Variants in DNAH3 observed in about 807,000 individuals in gnomAD.
DNAH3 encodes dynein axonemal heavy chain 3.
In DNAH3, 332 loss-of-function variants were observed where a neutral mutation model predicts 432.5. That is an observed-to-expected ratio of 0.77 (90% CI 0.70 to 0.84). DNAH3 has a LOEUF of 0.84. Among genes scored for constraint, DNAH3 ranks in the 40% least tolerant of loss-of-function variants. The probability of loss-of-function intolerance (pLI) is 0.00; values close to 1 mark genes in which losing one functional copy is unlikely to be tolerated. For missense variants in DNAH3, 4,861 were observed against 5,114.0 expected, an observed-to-expected ratio of 0.95 and a Z score of 1.51; for synonymous variants, 1,956 against 1,900.2, an observed-to-expected ratio of 1.03 and a Z score of -0.76.
intron 61 of DNAH3, 143 bp downstream of exon 61, chr16:20,935,204 GT>G: frequency 1.1e-6 from 1 of 941,258 alleles, no homozygotes; most frequent in South Asian, 1.7e-5. Context: ...TAGAGCTACT[GT>G]AAATTATGCT....
chr16:21,105,687 C>T (rs775161542), intron 15 of DNAH3, among the ~76,000 whole-genome samples: 1 of 150,068 alleles, frequency 6.7e-6, no homozygotes, highest in African/African-American at 2.5e-5. Context: ...AATTGATGGA[C>T]CCTGAGAGGC....
rs146878418 is a variant in DNAH3 at position 21,063,965 on chromosome 16, A to C, written c.3519-1282T>G. ...AACCTGTACTGTGACCATCAGGCTG[A>C]AAGTTCTATGATGGAGGGATTGTGT... On this transcript the variant is annotated intron_variant, in intron 24 of 61. Transcript: ENST00000261383. 6.2e-3 allele frequency among the ~76,000 whole-genome samples: 944 copies of C among 152,358 alleles called. 3 individuals carry two copies. The highest frequency in any genetic ancestry group is 0.027 in the Middle Eastern group (8 of 294).
intron 44 of DNAH3, among the ~76,000 whole-genome samples, chr16:20,989,067 C>T (rs3103814): frequency 0.17 from 25,129 of 152,120 alleles, 2,304 homozygotes; most frequent in African/African-American, 0.24. Flanking sequence ...CTGCAAAGAG[C>T]GAAAGAACAA....
At chr16:21,051,772 T>A (rs760874606) in exon 29 of DNAH3, 5 of 1,614,104 alleles carry the variant, frequency 3.1e-6, no homozygotes, top group East Asian at 4.5e-5. Context: ...CACCTGCACA[T>A]CCTTGGCCAC....
intron 51 of DNAH3, among the ~76,000 whole-genome samples, chr16:20,970,768 C>A (rs1283605958): frequency 6.6e-6 from 1 of 151,810 alleles, no homozygotes; most frequent in Non-Finnish European, 1.5e-5. Context: ...CCAATGTAAG[C>A]AAACCATTGC....
At chr16:21,134,987 C>T (rs1432877130) in intron 6 of DNAH3, among the ~76,000 whole-genome samples, 2 of 152,202 alleles carry the variant, frequency 1.3e-5, no homozygotes, top group Non-Finnish European at 2.9e-5. Flanking sequence ...CACACCTGGC[C>T]TTAGCTTCAA....
intron 20 of DNAH3, among the ~76,000 whole-genome samples, chr16:21,079,004 C>A (rs2091078816): frequency 6.6e-6 from 1 of 152,220 alleles, no homozygotes; most frequent in African/African-American, 2.4e-5. Context: ...CAGAAGGAAA[C>A]AACTTAGCCA....
intron 50 of DNAH3, among the ~76,000 whole-genome samples, chr16:20,978,409 G>A (rs1275385061): frequency 5.3e-5 from 8 of 152,142 alleles, no homozygotes; most frequent in South Asian, 4.1e-4. Flanking sequence ...CGCACCTGTA[G>A]TACCAGCTAT....
chr16:21,105,889 G>A (rs532100089), intron 15 of DNAH3, among the ~76,000 whole-genome samples: 2 of 152,038 alleles, frequency 1.3e-5, no homozygotes, highest in African/African-American at 4.8e-5. Flanking sequence ...AGGGATCTAA[G>A]AACTGGAGGT....
intron 58 of DNAH3, among the ~76,000 whole-genome samples, chr16:20,943,129 G>A (rs2083890776): frequency 6.6e-6 from 1 of 152,000 alleles, no homozygotes; most frequent in African/African-American, 2.4e-5. Flanking sequence ...CGCCTAGGCT[G>A]GAGTGCAGTG....
chr16:21,133,951 T>C (rs2092605653), intron 7 of DNAH3, among the ~76,000 whole-genome samples: 1 of 152,150 alleles, frequency 6.6e-6, no homozygotes, highest in African/African-American at 2.4e-5. Context: ...TGCGACCACA[T>C]ATATGCCTGT....
chr16:21,125,831 T>G (rs2092436064), intron 8 of DNAH3, among the ~76,000 whole-genome samples: 1 of 152,106 alleles, frequency 6.6e-6, no homozygotes, highest in Admixed American at 6.6e-5. Flanking sequence ...GCTCAGAAGT[T>G]GATGGTAGAA....
chr16:21,067,776 GGAGA>G (rs60889532), intron 23 of DNAH3, among the ~76,000 whole-genome samples: 9 of 40,882 alleles, frequency 2.2e-4, no homozygotes, highest in Admixed American at 6.8e-4. Context: ...GGGTGGGGAG[GGAGA>G]GAGAGAGAGA....
chr16:21,020,348 G>GTA lies in DNAH3; in HGVS notation c.5777-481_5777-480dup, dbSNP rs58198093. On this transcript the variant is annotated intron_variant, in intron 40 of 61. Coordinates refer to ENST00000261383, the Ensembl canonical transcript of DNAH3. ...ACTGCTGTATAATAATATAGTGTGTGTATATATATATATATATATAAAATC... is the reference window on the plus strand; with the variant it reads ...ACTGCTGTATAATAATATAGTGTGTGTATATATATATATATATATATAAAATC... Among the ~76,000 whole-genome samples the GTA allele has an allele frequency of 5.4e-3, 373 of 69,150 alleles. 6 individuals are homozygous for GTA. The highest frequency in any genetic ancestry group is 0.017 in the East Asian group (37 of 2,128). The allele number at this position is 69,150 out of a possible 152,430, so 45.4% of individuals were successfully genotyped here.
intron 14 of DNAH3, among the ~76,000 whole-genome samples, chr16:21,111,239 T>C (rs768165950): frequency 6.6e-6 from 1 of 152,162 alleles, no homozygotes; most frequent in Non-Finnish European, 1.5e-5. Flanking sequence ...CTAGGAGTGA[T>C]TCTAAGGAAA....
chr16:20,935,987 G>A (rs998708526), intron 60 of DNAH3, among the ~76,000 whole-genome samples: 1 of 152,132 alleles, frequency 6.6e-6, no homozygotes, highest in African/African-American at 2.4e-5. Context: ...TGCCATGCGA[G>A]AACGCAGGTG....
chr16:21,033,664 G>A (rs890234709), intron 36 of DNAH3, among the ~76,000 whole-genome samples: 1 of 152,202 alleles, frequency 6.6e-6, no homozygotes, highest in Non-Finnish European at 1.5e-5. Flanking sequence ...TTTGCTTTTA[G>A]ACTAATTTTA....
Position 20,963,833 on chromosome 16 carries a change from C to G in DNAH3, c.10051G>C (p.Asp3351His), listed in dbSNP as rs147457436. Reference sequence around the variant, plus strand: ...TTGTAGATGCTCAGGGTGAAATGGTCAATGATGTACTTGATGCGCAGATTC... The same window carrying G: ...TTGTAGATGCTCAGGGTGAAATGGTGAATGATGTACTTGATGCGCAGATTC... The change falls in exon 53 of 62, where the codon GAC becomes CAC. Residue 3351 changes from aspartate to histidine, a missense_variant. Physicochemically the swap from Asp to His is moderately conservative, Grantham distance 81. Transcript: ENST00000261383. The G allele has an allele frequency of 2.4e-5, 39 of 1,613,880 alleles. No individual in the cohort carries two copies. The African/African-American group carries it at 4.8e-4, about 20-fold the overall frequency.
In DNAH3 at chr16:21,158,946, C is replaced by A. The variant is rs560146021; in HGVS notation, c.117+379G>T. On this transcript the variant is annotated intron_variant, in intron 1 of 61. Transcript: ENST00000261383. ...TCGCCGGGACGGGGCTGGGAGCGCA[C>A]GAGGAGACACGATTCCTCCCCACCC... Among the ~76,000 whole-genome samples, 13 of 152,072 alleles carry A rather than the reference C, an allele frequency of 8.5e-5. No individual in the cohort carries two copies. In the East Asian group the frequency reaches 2.5e-3, roughly 30 times the overall value.
Sources: allele counts gnomAD v4.1 joint callset (sites outside exome capture counted in the v4.1 genomes callset), GRCh38; gene constraint gnomAD v4.1.1; transcripts MANE v1.5; gene names NCBI Gene and HGNC (gene_info 2026-07-23, HGNC 2026-07-21).